Variants in PHLPP1 observed in about 807,000 individuals in gnomAD.
The protein encoded by PHLPP1 is PH domain leucine-rich repeat-containing protein phosphatase 1.
In PHLPP1, 42 loss-of-function variants were observed where a neutral mutation model predicts 117.2. The ratio of observed to expected loss-of-function variants is 0.36; its 90% CI spans 0.28 to 0.46. The LOEUF (loss-of-function observed/expected upper bound fraction) is 0.46, where lower values mean the gene tolerates loss of function less well. Ranked by LOEUF, PHLPP1 falls within the 20% of genes least tolerant of loss-of-function variation. PHLPP1 has a pLI of 1.00. For missense variants in PHLPP1, 2,084 were observed against 2,241.9 expected (o/e 0.93, Z 1.42); for synonymous variants, 1,042 against 970.7 (o/e 1.07, Z -1.37).
At chr18:62,883,640 TA>T (rs1282464273) in intron 4 of PHLPP1, among the ~76,000 whole-genome samples, 6 of 152,294 alleles carry the variant, frequency 3.9e-5, no homozygotes, top group Admixed American at 1.3e-4. Flanking sequence ...AGTACATATT[TA>T]AACTGTACAT....
Position 62,914,916 on chromosome 18 carries a change from C to T in PHLPP1, c.2712C>T (p.Asn904=). Reference sequence around the variant, plus strand: ...ACTTTTATGTTCTTGCATTTAGGAACCGCTTAGAAAATGTGCCTGAGTGGG... The same window carrying T: ...ACTTTTATGTTCTTGCATTTAGGAATCGCTTAGAAAATGTGCCTGAGTGGG... The part of the protein sequence containing the change: ...NYLSYMDVSR[N]RLENVPEWVC... Residue 904 remains asparagine, a synonymous_variant, in exon 9 of 17, where the codon AAC becomes AAT. Coordinates refer to ENST00000262719, the MANE Select transcript of PHLPP1 (RefSeq NM_194449.4). 1 of 1,612,262 alleles carries T rather than the reference C, an allele frequency of 6.2e-7. No homozygotes were observed. Among genetic ancestry groups the T allele is most frequent in the Non-Finnish European group, 8.5e-7 (1 of 1,178,718 alleles).
chr18:62,905,256 A>C lies in PHLPP1; in HGVS notation c.2680A>C (p.Asn894His), dbSNP rs201790218. The C allele has an allele frequency of 4.6e-4, 714 of 1,549,186 alleles. No homozygotes were observed. Among genetic ancestry groups the C allele is most frequent in the South Asian group, 7.6e-4 (57 of 74,860 alleles). Residue 894 changes from asparagine (N) to histidine (H), a missense_variant, in exon 8 of 17, where the codon AAT becomes CAT. Around this residue, in one of 2 missense-constraint regions of PHLPP1, gnomAD observed 1,365 missense variants for 1,605.9 expected, o/e 0.85. Coordinates refer to ENST00000262719, the MANE Select transcript of PHLPP1 (RefSeq NM_194449.4). ...TCAACTTGATGTTTACCCAGTTCCA[A>C]ATTATCTGTCCTACATGGATGTTTC... ...LVQLDVYPVPNYLSYMDVSRN... is the reference protein window; with the variant it reads ...LVQLDVYPVPHYLSYMDVSRN...
chr18:62,736,933 C>G (rs1911385821), intron 1 of PHLPP1, among the ~76,000 whole-genome samples: 1 of 152,126 alleles, frequency 6.6e-6, no homozygotes, highest in Admixed American at 6.5e-5. Flanking sequence ...CTATGGCTAT[C>G]AGACAGAAGT....
intron 3 of PHLPP1, among the ~76,000 whole-genome samples, chr18:62,846,607 C>A (rs1915189296): frequency 6.6e-6 from 1 of 150,918 alleles, no homozygotes; most frequent in Non-Finnish European, 1.5e-5. Flanking sequence ...AGTTCCATTT[C>A]ATTTTCTTGT....
intron 4 of PHLPP1, among the ~76,000 whole-genome samples, chr18:62,871,964 A>G (rs1568145181): frequency 6.6e-6 from 1 of 152,118 alleles, no homozygotes; most frequent in East Asian, 1.9e-4. Flanking sequence ...TAAATGTGCC[A>G]TTTATTTATC....
intron 1 of PHLPP1, among the ~76,000 whole-genome samples, chr18:62,765,839 CA>C (rs543950865): frequency 4.7e-5 from 7 of 148,992 alleles, no homozygotes; most frequent in African/African-American, 1.5e-4. Context: ...ACTAAAATTA[CA>C]AAAAAAAATT....
At chr18:62,780,557 T>C (rs1913090270) in intron 1 of PHLPP1, among the ~76,000 whole-genome samples, 1 of 152,236 alleles carries the variant, frequency 6.6e-6, no homozygotes, top group Non-Finnish European at 1.5e-5. Context: ...ATGCTGAATG[T>C]TCCATTCCGT....
At chr18:62,946,780 G>A (rs192763589) in intron 12 of PHLPP1, among the ~76,000 whole-genome samples, 1 of 152,120 alleles carries the variant, frequency 6.6e-6, no homozygotes, top group African/African-American at 2.4e-5. Context: ...TTGGCTGGGC[G>A]CGGTGGCTCA....
At chr18:62,915,392 C>T (rs1190553812) in intron 9 of PHLPP1, among the ~76,000 whole-genome samples, 3 of 152,128 alleles carry the variant, frequency 2.0e-5, no homozygotes, top group Non-Finnish European at 4.4e-5. Flanking sequence ...ACCTTTTGTT[C>T]TCCCTAGACT....
At chr18:62,766,686 TATATA>T (rs1489394401) in intron 1 of PHLPP1, among the ~76,000 whole-genome samples, 5 of 152,198 alleles carry the variant, frequency 3.3e-5, no homozygotes. Flanking sequence ...TATATCACTC[TATATA>T]ATATATCAGC....
intron 1 of PHLPP1, chr18:62,825,355 T>C (rs1012808274): frequency 6.7e-6 from 1 of 148,922 alleles, no homozygotes; most frequent in African/African-American, 2.4e-5. Context: ...AACCAATGTA[T>C]GTATATATAT....
intron 4 of PHLPP1, among the ~76,000 whole-genome samples, chr18:62,875,785 T>C (rs1173062890): frequency 6.6e-6 from 1 of 152,034 alleles, no homozygotes; most frequent in African/African-American, 2.4e-5. Context: ...GAGGTTGGAG[T>C]GCAGTGACAC....
intron 1 of PHLPP1, among the ~76,000 whole-genome samples, chr18:62,794,360 T>C (rs1913559841): frequency 6.6e-6 from 1 of 151,814 alleles, no homozygotes; most frequent in Non-Finnish European, 1.5e-5. Context: ...TTGTTGAGAG[T>C]TTAATTATTA....
chr18:62,906,317 TAGGAAC>T (rs375526428), intron 8 of PHLPP1: 2 of 153,406 alleles, frequency 1.3e-5, no homozygotes, highest in African/African-American at 4.8e-5. Context: ...GATGGCCGAA[TAGGAAC>T]AGCTCCGGTC....
intron 1 of PHLPP1, among the ~76,000 whole-genome samples, chr18:62,826,535 G>A (rs946859383): frequency 6.6e-6 from 1 of 152,108 alleles, no homozygotes; most frequent in Admixed American, 6.6e-5. Context: ...TATAGATTTT[G>A]CTTTAAGCAA....
At chr18:62,949,235 CA>C (rs1910383343) in intron 12 of PHLPP1, among the ~76,000 whole-genome samples, 1 of 152,156 alleles carries the variant, frequency 6.6e-6, no homozygotes, top group Non-Finnish European at 1.5e-5. Flanking sequence ...TTTCACCAAG[CA>C]TTGCTATCTT....
intron 11 of PHLPP1, among the ~76,000 whole-genome samples, chr18:62,944,522 A>G (rs1325825713): frequency 6.6e-6 from 1 of 152,208 alleles, no homozygotes; most frequent in Non-Finnish European, 1.5e-5. Context: ...CCTGGTGTGA[A>G]TTTGGGCTCT....
At chr18:62,811,397 G>C (rs907073184) in intron 1 of PHLPP1, among the ~76,000 whole-genome samples, 2 of 152,156 alleles carry the variant, frequency 1.3e-5, no homozygotes, top group Non-Finnish European at 2.9e-5. Flanking sequence ...TGATACAAAG[G>C]TGTGTGAAGG....
intron 1 of PHLPP1, among the ~76,000 whole-genome samples, chr18:62,818,058 T>C (rs1432207868): frequency 6.6e-6 from 1 of 151,934 alleles, no homozygotes; most frequent in East Asian, 2.0e-4. Context: ...TTTCACCATA[T>C]TGGCTAGGAT....
Sources: allele counts gnomAD v4.1 joint callset (sites outside exome capture counted in the v4.1 genomes callset), GRCh38; gene constraint gnomAD v4.1.1; regional missense constraint gnomAD v4.1.1; transcripts MANE v1.5; gene names NCBI Gene and HGNC (gene_info 2026-07-23, HGNC 2026-07-21).